Variants in STARD3 observed in about 807,000 individuals in gnomAD.
The protein encoded by STARD3 is stAR-related lipid transfer protein 3.
STARD3 carries 39 observed loss-of-function variants against 62.0 expected under a neutral mutation model. That is an observed-to-expected ratio of 0.63 (90% CI 0.49 to 0.82). STARD3 has a LOEUF of 0.82. STARD3 is among the 40% of genes least tolerant of loss of function. The pLI, the probability that STARD3 is intolerant of heterozygous loss-of-function variation, is 0.00. For synonymous variants in STARD3, 229 were observed against 242.4 expected (o/e 0.94, Z 0.51); for missense variants, 543 against 584.5 (o/e 0.93, Z 0.73).
intron 6 of STARD3, 57 bp downstream of exon 6, chr17:39,658,579 G>T (rs771386644): frequency 4.4e-5 from 69 of 1,576,534 alleles, no homozygotes; most frequent in Non-Finnish European, 5.7e-5. Context: ...CCAAGAGAGG[G>T]GAGTTGCGGG....
intron 7 of STARD3, 38 bp from the exon 8 acceptor site, chr17:39,659,013 C>G (rs761397015): frequency 1.9e-6 from 3 of 1,613,500 alleles, no homozygotes; most frequent in Non-Finnish European, 2.5e-6. Flanking sequence ...ACTCTCTCCC[C>G]ACCCCTTGCC....
chr17:39,647,922 A>C (rs1212546819), intron 1 of STARD3, among the ~76,000 whole-genome samples: 1 of 152,056 alleles, frequency 6.6e-6, no homozygotes, highest in Non-Finnish European at 1.5e-5. Context: ...AAGTGGGAGG[A>C]TCGCTTAAGC....
At chr17:39,656,471 T>A (rs2057131023) in intron 2 of STARD3, among the ~76,000 whole-genome samples, 1 of 152,106 alleles carries the variant, frequency 6.6e-6, no homozygotes, top group South Asian at 2.1e-4. Flanking sequence ...CAAGGACACA[T>A]CCACTCCGTC....
rs144813441 is a variant in STARD3, at chr17:39,663,632, T to TCC, written c.*731_*732dup. On this transcript the variant is annotated 3_prime_UTR_variant, in exon 15 of 15. Coordinates refer to ENST00000336308, the MANE Select transcript of STARD3 (RefSeq NM_006804.4). ...CCAGTTCCTGAAACATGCCCCCCAT[T>TCC]CCCCCCCCGCCCACCCCCCACTCCC... is the stretch of plus-strand genomic sequence containing the variant. 22 of 128,146 alleles carry TCC rather than the reference T, an allele frequency of 1.7e-4. No homozygotes were observed. The highest frequency in any genetic ancestry group is 2.1e-4 in the African/African-American group (7 of 33,348). The allele number at this position is 128,146 out of a possible 1,614,324, so 7.9% of individuals were successfully genotyped here.
At chr17:39,662,534 G>A in intron 14 of STARD3, 190 bp downstream of exon 14, 1 of 653,062 alleles carries the variant, frequency 1.5e-6, no homozygotes, top group Admixed American at 2.8e-5. Context: ...TAGGGCATGT[G>A]CCCCCCCTTC....
At position 39,662,840 on chromosome 17, in the gene STARD3, G is replaced by C; in HGVS notation, c.1270G>C (p.Ala424Pro). ...LPRYLIHQSL[A>P]ATMFEFAFHL... ...CCGGTACCTCATCCACCAGAGCCTC[G>C]CGGCCACCATGTTTGAATTTGCCTT... The change falls in exon 15 of 15, where the codon GCG becomes CCG. Residue 424 changes from alanine to proline, a missense_variant. Ala to Pro is a conservative substitution (Grantham distance 27). Coordinates refer to ENST00000336308, the MANE Select transcript of STARD3 (RefSeq NM_006804.4). 6.2e-7 allele frequency: 1 copy of C among 1,612,126 alleles called. No homozygotes were observed. The highest frequency in any genetic ancestry group is 8.5e-7 in the Non-Finnish European group (1 of 1,179,302).
intron 1 of STARD3, among the ~76,000 whole-genome samples, chr17:39,643,162 C>T (rs1212774476): frequency 6.6e-6 from 1 of 152,026 alleles, no homozygotes; most frequent in African/African-American, 2.4e-5. Context: ...GAGCAGTGGG[C>T]AGATACTGGC....
At chr17:39,652,004 T>C (rs1001625201) in intron 1 of STARD3, among the ~76,000 whole-genome samples, 13 of 152,322 alleles carry the variant, frequency 8.5e-5, no homozygotes, top group Admixed American at 7.8e-4. Flanking sequence ...TCCTTTTGTC[T>C]TTAGGGTTCC....
rs1315231678 is a variant in STARD3, at chr17:39,658,754, G to A, written c.580G>A (p.Gly194Arg). Reference protein sequence around the residue: ...YLAAQVAVARGPLLFSGALSE... With the variant: ...YLAAQVAVARRPLLFSGALSE... ...TGCCGCCCAGGTTGCTGTTGCCCGTGGACCCCTGCTGTTCTCCGGTGCTCT... is the reference window on the plus strand; with the variant it reads ...TGCCGCCCAGGTTGCTGTTGCCCGTAGACCCCTGCTGTTCTCCGGTGCTCT... Residue 194 changes from glycine to arginine, a missense_variant, in exon 7 of 15, where the codon GGA becomes AGA. By Grantham distance (125) the Gly-to-Arg change is moderately radical. Coordinates refer to ENST00000336308, the MANE Select transcript of STARD3 (RefSeq NM_006804.4). 6.2e-7 allele frequency: 1 copy of A among 1,613,832 alleles called. No individual in the cohort carries two copies. The highest frequency in any genetic ancestry group is 8.5e-7 in the Non-Finnish European group (1 of 1,179,994).
chr17:39,661,071 G>A lies in STARD3; in HGVS notation c.1125G>A (p.Thr375=), dbSNP rs767016900. The change falls in exon 13 of 15, where the codon ACG becomes ACA. Residue 375 remains threonine, a synonymous_variant. Transcript: ENST00000336308. ...CCTCACACAGTGCCAAGCCCCCGAC[G>A]CACAAATATGTCCGGTGAGCCTCAC... The part of the protein sequence containing the change: ...IATSHSAKPP[T]HKYVRGENGP... 12 of 1,613,388 alleles carry A rather than the reference G, an allele frequency of 7.4e-6. No homozygotes were observed. Among genetic ancestry groups the A allele is most frequent in the South Asian group, 3.3e-5 (3 of 91,076 alleles).
intron 13 of STARD3, chr17:39,661,327 G>C: frequency 1.8e-6 from 1 of 549,730 alleles, no homozygotes; most frequent in Non-Finnish European, 3.3e-6. Context: ...ATGTGCGGCG[G>C]TGGCTGGCTG....
intron 2 of STARD3, among the ~76,000 whole-genome samples, chr17:39,654,068 A>C (rs1567858079): frequency 6.6e-6 from 1 of 152,018 alleles, no homozygotes; most frequent in Non-Finnish European, 1.5e-5. Flanking sequence ...AGAGAGGAGG[A>C]GGGGGAGACC....
chr17:39,649,940 C>G (rs995799550), intron 1 of STARD3, among the ~76,000 whole-genome samples: 2 of 149,338 alleles, frequency 1.3e-5, no homozygotes, highest in African/African-American at 5.0e-5. Flanking sequence ...AAGGATAAAG[C>G]AGACACTAAA....
chr17:39,660,231 C>T lies in STARD3; in HGVS notation c.816C>T (p.Tyr272=), dbSNP rs145490382. 6 of 1,613,972 alleles carry T rather than the reference C, an allele frequency of 3.7e-6. No individual in the cohort carries two copies. Among genetic ancestry groups the T allele is most frequent in the East Asian group, 2.2e-5 (1 of 44,896 alleles). ...CATAGGAATATGGGGACACCGTGTACACCATTGAAGTTCCCTTTCACGGCA... is the reference window on the plus strand; with the variant it reads ...CATAGGAATATGGGGACACCGTGTATACCATTGAAGTTCCCTTTCACGGCA... ...EKNNEYGDTV[Y]TIEVPFHGKT... The change falls in exon 10 of 15, where the codon TAC becomes TAT. Residue 272 remains tyrosine, a synonymous_variant. Transcript: ENST00000336308. This position sits in a 1 kb window ranked among gnomAD's most constrained non-coding sequence, Gnocchi z 4.8.
chr17:39,642,127 G>T (rs1040203705), intron 1 of STARD3, among the ~76,000 whole-genome samples: 1 of 152,258 alleles, frequency 6.6e-6, no homozygotes, highest in African/African-American at 2.4e-5. Flanking sequence ...GCGATGGGCT[G>T]TGGTGTGTCC....
At chr17:39,650,066 CT>C (rs1275292218) in intron 1 of STARD3, among the ~76,000 whole-genome samples, 1 of 152,072 alleles carries the variant, frequency 6.6e-6, no homozygotes, top group Non-Finnish European at 1.5e-5. Context: ...AGATAGGTTA[CT>C]GTTAGGGGTT....
intron 13 of STARD3, 121 bp from the exon 14 acceptor site, chr17:39,662,130 C>T (rs2057205789): frequency 1.2e-6 from 1 of 865,132 alleles, no homozygotes; most frequent in Non-Finnish European, 1.8e-6. Context: ...GTAGCTCTGC[C>T]TTTCTGCTTC....
At chr17:39,659,358 C>T (rs1044871297) in intron 8 of STARD3, 103 bp from the exon 9 acceptor site, 106 of 1,215,780 alleles carry the variant, frequency 8.7e-5, no homozygotes, top group Admixed American at 3.8e-4. Context: ...CTGGGCCAGG[C>T]CCCTCTGGGA....
chr17:39,657,093 G>T lies in STARD3; in HGVS notation c.297+8G>T. ...TCCTTCTTCGACATCTTTGTGAGTG[G>T]CCTTGGCTGATCCTGGGGACCCCGG... On this transcript the variant is annotated splice_region_variant and intron_variant, in intron 3 of 14. Coordinates refer to ENST00000336308, the MANE Select transcript of STARD3 (RefSeq NM_006804.4). The T allele has an allele frequency of 6.2e-7, 1 of 1,613,878 alleles. No homozygotes were observed. The highest frequency in any genetic ancestry group is 1.3e-5 in the African/African-American group (1 of 75,044).
Sources: allele counts gnomAD v4.1 joint callset (sites outside exome capture counted in the v4.1 genomes callset), GRCh38; gene constraint gnomAD v4.1.1; non-coding constraint Gnocchi (gnomAD v3.1); transcripts MANE v1.5; gene names NCBI Gene and HGNC (gene_info 2026-07-23, HGNC 2026-07-21).